Variants in PLXDC2 observed in about 807,000 individuals in gnomAD.
PLXDC2 encodes the protein plexin domain containing 2.
In PLXDC2, 40 loss-of-function variants were observed where a neutral mutation model predicts 68.9. The observed-to-expected ratio is 0.58, with a 90% CI of 0.45 to 0.76. The LOEUF is 0.76. PLXDC2 is among the 30% of genes least tolerant of loss of function. The probability of loss-of-function intolerance (pLI) is 0.00; values close to 1 mark genes in which losing one functional copy is unlikely to be tolerated. For missense variants in PLXDC2, 644 were observed against 661.9 expected, an observed-to-expected ratio of 0.97 and a Z score of 0.30; for synonymous variants, 243 against 234.2, an observed-to-expected ratio of 1.04 and a Z score of -0.34.
intron 1 of PLXDC2, among the ~76,000 whole-genome samples, chr10:19,958,644 C>CT (rs1834108119): frequency 6.6e-6 from 1 of 152,114 alleles, no homozygotes; most frequent in South Asian, 2.1e-4. Context: ...TAGTTCAGTA[C>CT]TTGAAGTTAC....
At chr10:19,930,049 T>C (rs1008714833) in intron 1 of PLXDC2, among the ~76,000 whole-genome samples, 2 of 152,058 alleles carry the variant, frequency 1.3e-5, no homozygotes, top group Admixed American at 6.6e-5. Context: ...CATTTTTTTT[T>C]CCTCCCTAGA....
intron 1 of PLXDC2, among the ~76,000 whole-genome samples, chr10:19,932,966 A>G (rs1411232883): frequency 6.6e-6 from 1 of 152,142 alleles, no homozygotes; most frequent in African/African-American, 2.4e-5. Context: ...TATCTAGGAC[A>G]CTCTTGCTGC....
chr10:19,988,720 G>A (rs1834691319), intron 1 of PLXDC2, among the ~76,000 whole-genome samples: 1 of 144,918 alleles, frequency 6.9e-6, no homozygotes, highest in African/African-American at 2.6e-5. Context: ...CATTTGATAA[G>A]GTCTAAAATA....
chr10:20,025,263 T>C (rs1206895658), intron 2 of PLXDC2, among the ~76,000 whole-genome samples: 2 of 94,986 alleles, frequency 2.1e-5, no homozygotes, highest in Non-Finnish European at 4.1e-5. Context: ...CTATTGTTTT[T>C]TCGACTTTTT....
intron 10 of PLXDC2, among the ~76,000 whole-genome samples, chr10:20,213,002 C>A (rs1277805752): frequency 6.6e-6 from 1 of 152,002 alleles, no homozygotes; most frequent in Non-Finnish European, 1.5e-5. Flanking sequence ...TTTGGTTTAT[C>A]TTTTCATTTT....
chr10:20,001,345 A>G (rs1834934206), intron 1 of PLXDC2, among the ~76,000 whole-genome samples: 1 of 152,220 alleles, frequency 6.6e-6, no homozygotes, highest in Non-Finnish European at 1.5e-5. Context: ...TGAAATAAAT[A>G]TAAGCTTACA....
chr10:19,889,872 C>T (rs1837919013), intron 1 of PLXDC2, among the ~76,000 whole-genome samples: 1 of 152,124 alleles, frequency 6.6e-6, no homozygotes, highest in Non-Finnish European at 1.5e-5. Flanking sequence ...TCTGAATTTT[C>T]TCACTGAGTT....
intron 13 of PLXDC2, among the ~76,000 whole-genome samples, chr10:20,258,834 C>T (rs1835775390): frequency 1.3e-5 from 2 of 151,848 alleles, no homozygotes; most frequent in Non-Finnish European, 1.5e-5. Context: ...GGTGAAACCC[C>T]GTCTCTACCA....
intron 1 of PLXDC2, among the ~76,000 whole-genome samples, chr10:19,895,472 A>C: frequency 6.6e-6 from 1 of 152,356 alleles, no homozygotes; most frequent in African/African-American, 2.4e-5. Flanking sequence ...TTATTTTAAT[A>C]TATGGCATTA....
chr10:19,872,544 C>T (rs932856889), intron 1 of PLXDC2, among the ~76,000 whole-genome samples: 1 of 152,194 alleles, frequency 6.6e-6, no homozygotes, highest in Non-Finnish European at 1.5e-5. Context: ...GTAAAGTTCC[C>T]TGAATAATTT....
At chr10:20,169,354 A>G (rs772944737) in intron 7 of PLXDC2, among the ~76,000 whole-genome samples, 2 of 152,210 alleles carry the variant, frequency 1.3e-5, no homozygotes, top group Non-Finnish European at 2.9e-5. Flanking sequence ...TAAGCACGAA[A>G]TGGTATTTCA....
chr10:19,905,952 G>T (rs1326446467), intron 1 of PLXDC2, among the ~76,000 whole-genome samples: 3 of 150,944 alleles, frequency 2.0e-5, no homozygotes, highest in Non-Finnish European at 4.4e-5. Flanking sequence ...CTGTGAATCT[G>T]TTATATATCT....
At chr10:19,838,505 A>G (rs1389877343) in intron 1 of PLXDC2, among the ~76,000 whole-genome samples, 1 of 152,218 alleles carries the variant, frequency 6.6e-6, no homozygotes, top group Non-Finnish European at 1.5e-5. Context: ...ACTTTGCTAT[A>G]GTCTCCTTAA....
At chr10:19,956,506 A>G (rs1375020317) in intron 1 of PLXDC2, among the ~76,000 whole-genome samples, 1 of 152,214 alleles carries the variant, frequency 6.6e-6, no homozygotes, top group Non-Finnish European at 1.5e-5. Context: ...TAGTATTAAC[A>G]TTCCTCAGCA....
intron 7 of PLXDC2, 61 bp from the exon 8 acceptor site, chr10:20,176,938 A>C: frequency 8.1e-7 from 1 of 1,232,970 alleles, no homozygotes; most frequent in Non-Finnish European, 1.2e-6. Context: ...CATTATTAAA[A>C]TGCTGTTGTT....
At chr10:20,234,019 A>T (rs1023344445) in intron 12 of PLXDC2, among the ~76,000 whole-genome samples, 4 of 149,476 alleles carry the variant, frequency 2.7e-5, no homozygotes, top group South Asian at 2.1e-4. Flanking sequence ...TAGAGATGCT[A>T]TCTCACTATG....
intron 1 of PLXDC2, among the ~76,000 whole-genome samples, chr10:19,936,020 A>G (rs1255807146): frequency 2.6e-5 from 4 of 152,240 alleles, no homozygotes; most frequent in Non-Finnish European, 4.4e-5. Flanking sequence ...ATTAAAACAA[A>G]AATTTGAAAT....
chr10:20,197,524 A>C (rs970579179), intron 9 of PLXDC2, among the ~76,000 whole-genome samples: 2 of 151,440 alleles, frequency 1.3e-5, no homozygotes, highest in African/African-American at 4.9e-5. Context: ...TGCCCAGCTA[A>C]TTTTTGTATT....
chr10:20,155,923 C>T (rs1008316318), intron 6 of PLXDC2, among the ~76,000 whole-genome samples: 4 of 151,986 alleles, frequency 2.6e-5, no homozygotes, highest in Non-Finnish European at 5.9e-5. Context: ...TCTGTTGCCT[C>T]GGCTGGAGTG....
Sources: allele counts gnomAD v4.1 joint callset (sites outside exome capture counted in the v4.1 genomes callset), GRCh38; gene constraint gnomAD v4.1.1; transcripts MANE v1.5; gene names NCBI Gene and HGNC (gene_info 2026-07-23, HGNC 2026-07-21).